The following RPS6KA2 variants were observed in gnomAD, a reference collection of about 807,000 sequenced individuals.
The protein encoded by RPS6KA2 is ribosomal protein S6 kinase alpha-2.
RPS6KA2 carries 42 observed loss-of-function variants against 91.8 expected under a neutral mutation model. The observed-to-expected ratio is 0.46, with a 90% CI of 0.36 to 0.59. The LOEUF is 0.59. Ranked by LOEUF, RPS6KA2 falls within the 20% of genes least tolerant of loss-of-function variation. The pLI, the probability that RPS6KA2 is intolerant of heterozygous loss-of-function variation, is 0.00. For synonymous variants in RPS6KA2, 414 were observed against 393.6 expected, an observed-to-expected ratio of 1.05 and a Z score of -0.61; for missense variants, 798 against 978.5, an observed-to-expected ratio of 0.82 and a Z score of 2.46.
chr6:166,467,048 TCA>T (rs1337387662), intron 11 of RPS6KA2, among the ~76,000 whole-genome samples: 2 of 152,050 alleles, frequency 1.3e-5, no homozygotes, highest in African/African-American at 2.4e-5. Flanking sequence ...ACTCATTCAC[TCA>T]CTCATTGACT....
chr6:166,645,877 G>A (rs1787587297), intron 2 of RPS6KA2, among the ~76,000 whole-genome samples: 2 of 152,186 alleles, frequency 1.3e-5, no homozygotes, highest in Non-Finnish European at 2.9e-5. Flanking sequence ...TGGATATTTG[G>A]CCAAGTCTGG....
chr6:166,493,471 C>T lies in RPS6KA2; in HGVS notation c.748-2730G>A, dbSNP rs967178998. ...ACTTTTGCTGTGTTGCTGAGCAGCA[C>T]TGAGACTTGCCAAGGCTTCCGGGGT... On this transcript the variant is annotated intron_variant, in intron 8 of 20. Transcript: ENST00000265678. This position sits in a 1 kb window ranked among gnomAD's most constrained non-coding sequence, Gnocchi z 4.7. Among the ~76,000 whole-genome samples the T allele has an allele frequency of 2.0e-5, 3 of 152,088 alleles. No individual in the cohort carries two copies. The highest frequency in any genetic ancestry group is 4.4e-5 in the Non-Finnish European group (3 of 68,028).
At position 166,695,052 on chromosome 6, in the gene RPS6KA2, G is replaced by A. The variant is rs960637772; in HGVS notation, c.124-156268C>T. Among the ~76,000 whole-genome samples, 16 of 152,322 alleles carry A rather than the reference G, an allele frequency of 1.1e-4. No individual in the cohort carries two copies. In the East Asian group the frequency reaches 3.1e-3, roughly 29 times the overall value. On this transcript the variant is annotated intron_variant, in intron 2 of 21. Coordinates refer to the RPS6KA2 transcript ENST00000503859. ...GAGATGCTATCCTGGCCACCAAGGA[G>A]CTAATATTCCGGTGGAGAAAATGTC... is the stretch of plus-strand genomic sequence containing the variant.
chr6:166,414,937 C>T (rs552834127), intron 19 of RPS6KA2, among the ~76,000 whole-genome samples: 11 of 152,180 alleles, frequency 7.2e-5, no homozygotes, highest in African/African-American at 1.9e-4. Context: ...TGGTGGCATG[C>T]GCCTATAATC....
chr6:166,537,142 G>C (rs1252104644), intron 2 of RPS6KA2, among the ~76,000 whole-genome samples: 1 of 152,240 alleles, frequency 6.6e-6, no homozygotes, highest in African/African-American at 2.4e-5. Context: ...ATGTATTCCA[G>C]CGCTCCTTCC....
At chr6:166,853,011 G>A (rs1203703437) in intron 2 of RPS6KA2, among the ~76,000 whole-genome samples, 1 of 152,320 alleles carries the variant, frequency 6.6e-6, no homozygotes, top group South Asian at 2.1e-4. Context: ...TACCCCCGTA[G>A]CCACAAGGAA....
intron 10 of RPS6KA2, 103 bp downstream of exon 10, chr6:166,488,730 T>G (rs1671707286): frequency 1.2e-6 from 1 of 809,380 alleles, no homozygotes; most frequent in African/African-American, 1.7e-5. Context: ...TGACCTTGGT[T>G]GGCATTGGGC....
At chr6:166,425,263 T>A (rs1562485213) in intron 16 of RPS6KA2, among the ~76,000 whole-genome samples, 8 of 152,184 alleles carry the variant, frequency 5.3e-5, no homozygotes, top group Admixed American at 5.2e-4. Context: ...ATTTAAAAAA[T>A]TTTAAAATTT....
At chr6:166,808,322 T>G (rs1456295784) in intron 2 of RPS6KA2, among the ~76,000 whole-genome samples, 1 of 152,226 alleles carries the variant, frequency 6.6e-6, no homozygotes, top group Non-Finnish European at 1.5e-5. Context: ...CAGCGTGGTC[T>G]GAAGTCTCTC....
chr6:166,675,171 A>G (rs1788583101), intron 2 of RPS6KA2, among the ~76,000 whole-genome samples: 1 of 152,128 alleles, frequency 6.6e-6, no homozygotes, highest in African/African-American at 2.4e-5. Context: ...GGGCACTCAC[A>G]CTGGGGACAG....
chr6:166,724,501 C>T (rs1260357978), intron 2 of RPS6KA2, among the ~76,000 whole-genome samples: 2 of 151,934 alleles, frequency 1.3e-5, no homozygotes, highest in African/African-American at 4.8e-5. Flanking sequence ...TTCACAGACA[C>T]ATTATTTAAG....
At chr6:166,651,738 G>A (rs957772255) in intron 2 of RPS6KA2, among the ~76,000 whole-genome samples, 20 of 152,380 alleles carry the variant, frequency 1.3e-4, no homozygotes, top group African/African-American at 4.6e-4. Context: ...TTTATGCAGT[G>A]ATGTGTGGCT....
At chr6:166,811,784 G>A (rs16899513) in intron 2 of RPS6KA2, among the ~76,000 whole-genome samples, 6,313 of 152,200 alleles carry the variant, frequency 0.041, 550 homozygotes, top group East Asian at 0.39. Context: ...CAAAGTCTTG[G>A]TGAACCACCC....
At chr6:166,629,789 G>A (rs1161198058), upstream of RPS6KA2, among the ~76,000 whole-genome samples, 1 of 152,138 alleles carries the variant, frequency 6.6e-6, no homozygotes, top group Non-Finnish European at 1.5e-5. Context: ...GTAAGTTTGA[G>A]ACTGAATTCC....
chr6:166,487,606 A>C (rs1442516940), intron 10 of RPS6KA2, among the ~76,000 whole-genome samples: 1 of 152,188 alleles, frequency 6.6e-6, no homozygotes, highest in Non-Finnish European at 1.5e-5. Flanking sequence ...TGAAGTAAAG[A>C]ATTACTATGA....
At chr6:166,599,909 G>A (rs1214809413) in intron 1 of RPS6KA2, among the ~76,000 whole-genome samples, 2 of 152,118 alleles carry the variant, frequency 1.3e-5, no homozygotes, top group African/African-American at 4.8e-5. Context: ...CCTGAGCCCT[G>A]CCTGATCACC....
chr6:166,653,349 C>G (rs1302702701), intron 2 of RPS6KA2, among the ~76,000 whole-genome samples: 1 of 152,240 alleles, frequency 6.6e-6, no homozygotes. Context: ...GCGTGAGCCG[C>G]CCTGCCTGGC....
At chr6:166,522,355 C>T (rs1782887558) in intron 3 of RPS6KA2, among the ~76,000 whole-genome samples, 1 of 152,198 alleles carries the variant, frequency 6.6e-6, no homozygotes, top group African/African-American at 2.4e-5. Flanking sequence ...CCGCACTGAC[C>T]GTGCAGTGCC....
At chr6:166,567,317 G>A (rs1784535150) in intron 1 of RPS6KA2, among the ~76,000 whole-genome samples, 1 of 152,176 alleles carries the variant, frequency 6.6e-6, no homozygotes, top group Middle Eastern at 3.4e-3. Context: ...CACATACTTC[G>A]ACTCAACCTT....
Sources: gnomAD v4.1 joint callset for allele counts (sites outside exome capture counted in the v4.1 genomes callset) on GRCh38, gnomAD v4.1.1 for gene constraint, Gnocchi (gnomAD v3.1) non-coding constraint, MANE v1.5 for transcripts, NCBI Gene and HGNC (gene_info 2026-07-23, HGNC 2026-07-21) for gene names.